The following RBFOX1 variants were observed in gnomAD, a reference collection of about 807,000 sequenced individuals.
RBFOX1 encodes the protein RNA binding protein fox-1 homolog 1.
RBFOX1 carries 8 observed loss-of-function variants against 57.7 expected under a neutral mutation model. The observed-to-expected ratio is 0.14, with a 90% CI of 0.08 to 0.25. The LOEUF is 0.25. Among genes scored for constraint, RBFOX1 ranks in the 10% least tolerant of loss-of-function variants. RBFOX1 has a pLI of 1.00. For synonymous variants in RBFOX1, 326 were observed against 222.4 expected (o/e 1.47, Z -4.15); for missense variants, 611 against 548.5 (o/e 1.11, Z -1.14).
intron 3 of RBFOX1, among the ~76,000 whole-genome samples, chr16:5,668,186 CAGG>C (rs2049907259): frequency 6.6e-6 from 1 of 152,090 alleles, no homozygotes. Flanking sequence ...GAGGCTGAGG[CAGG>C]AGAATTGTTT....
intron 3 of RBFOX1, among the ~76,000 whole-genome samples, chr16:6,981,327 C>T (rs926181871): frequency 6.6e-6 from 1 of 151,978 alleles, no homozygotes; most frequent in Non-Finnish European, 1.5e-5. Context: ...TCCATGTGTT[C>T]TCATTATTTA....
At chr16:6,221,310 C>A (rs575810638) in intron 1 of RBFOX1, among the ~76,000 whole-genome samples, 1 of 152,118 alleles carries the variant, frequency 6.6e-6, no homozygotes, top group East Asian at 1.9e-4. Context: ...TGTATCACTG[C>A]TGTTTAATTT....
chr16:5,997,662 C>T (rs976990558), intron 4 of RBFOX1, among the ~76,000 whole-genome samples: 1 of 152,170 alleles, frequency 6.6e-6, no homozygotes, highest in Non-Finnish European at 1.5e-5. Context: ...ATATTGATTT[C>T]AGCTTTAAAG....
chr16:5,625,952 C>T (rs997851828), intron 3 of RBFOX1, among the ~76,000 whole-genome samples: 3 of 152,184 alleles, frequency 2.0e-5, no homozygotes, highest in Non-Finnish European at 2.9e-5. Flanking sequence ...TCTCAGCTCA[C>T]TGCACCCTCC....
intron 3 of RBFOX1, among the ~76,000 whole-genome samples, chr16:6,946,031 G>C (rs539286726): frequency 6.6e-6 from 1 of 152,226 alleles, no homozygotes; most frequent in African/African-American, 2.4e-5. Flanking sequence ...TGCCTACACA[G>C]ATGCTTCACT....
At chr16:5,605,704 C>T (rs2047549568) in intron 3 of RBFOX1, among the ~76,000 whole-genome samples, 1 of 151,938 alleles carries the variant, frequency 6.6e-6, no homozygotes, top group South Asian at 2.1e-4. Flanking sequence ...TAATGTCTAC[C>T]TCAGGTCTAG....
intron 1 of RBFOX1, among the ~76,000 whole-genome samples, chr16:6,158,993 C>T: frequency 6.6e-6 from 1 of 152,128 alleles, no homozygotes; most frequent in East Asian, 1.9e-4. Context: ...ACCTCCACCT[C>T]CTGGGTTCAA....
intron 12 of RBFOX1, among the ~76,000 whole-genome samples, chr16:7,660,834 C>T (rs2067534170): frequency 6.6e-6 from 1 of 152,232 alleles, no homozygotes; most frequent in Admixed American, 6.5e-5. Context: ...GCTACACATT[C>T]AAGTTTGACC....
chr16:6,089,153 T>C (rs958231230), intron 1 of RBFOX1, among the ~76,000 whole-genome samples: 9 of 151,800 alleles, frequency 5.9e-5, no homozygotes, highest in Non-Finnish European at 1.3e-4. Flanking sequence ...CACCAAGTGA[T>C]CATTTATAAG....
At chr16:7,668,441 G>C (rs890740809) in intron 13 of RBFOX1, among the ~76,000 whole-genome samples, 2 of 152,132 alleles carry the variant, frequency 1.3e-5, no homozygotes, top group Non-Finnish European at 1.5e-5. Flanking sequence ...CAGACACGAA[G>C]GGAAAAAACC....
At chr16:6,899,659 C>G (rs557645092) in intron 3 of RBFOX1, among the ~76,000 whole-genome samples, 1 of 152,226 alleles carries the variant, frequency 6.6e-6, no homozygotes, top group African/African-American at 2.4e-5. Context: ...TCCATACCTC[C>G]TCAAGCAAGT....
chr16:6,581,422 A>T (rs1032892173), intron 2 of RBFOX1, among the ~76,000 whole-genome samples: 10 of 152,208 alleles, frequency 6.6e-5, no homozygotes, highest in African/African-American at 1.9e-4. Context: ...GGCAGCTGGT[A>T]CAGGCTTCCT....
intron 3 of RBFOX1, among the ~76,000 whole-genome samples, chr16:6,953,559 G>A (rs1305816042): frequency 1.3e-5 from 2 of 152,050 alleles, no homozygotes; most frequent in African/African-American, 2.4e-5. Flanking sequence ...CTAATGTGTT[G>A]TATCTTTAGT....
intron 4 of RBFOX1, among the ~76,000 whole-genome samples, chr16:7,426,161 A>C (rs1448882037): frequency 6.6e-6 from 1 of 152,242 alleles, no homozygotes; most frequent in Non-Finnish European, 1.5e-5. Context: ...GGCAGGGTCT[A>C]CACCTTCCAG....
At chr16:5,553,199 G>T (rs36058707) in intron 2 of RBFOX1, among the ~76,000 whole-genome samples, 57,988 of 151,646 alleles carry the variant, frequency 0.38, 11,397 homozygotes, top group Non-Finnish European at 0.42. Flanking sequence ...AGTTGATGGG[G>T]GCAGCAAACC....
chr16:5,923,114 C>T (rs1463292864), intron 4 of RBFOX1, among the ~76,000 whole-genome samples: 1 of 152,034 alleles, frequency 6.6e-6, no homozygotes, highest in African/African-American at 2.4e-5. Context: ...TTGCTGTGCA[C>T]CAAATGATGC....
intron 3 of RBFOX1, among the ~76,000 whole-genome samples, chr16:6,688,046 C>T (rs181822733): frequency 1.0e-3 from 156 of 152,308 alleles, no homozygotes; most frequent in Non-Finnish European, 1.6e-3. Context: ...TTAGTCCATT[C>T]TTGCACTGCC....
intron 11 of RBFOX1, among the ~76,000 whole-genome samples, chr16:7,638,163 C>A (rs1016754982): frequency 1.3e-5 from 2 of 152,156 alleles, no homozygotes; most frequent in Admixed American, 6.5e-5. Flanking sequence ...CTAGTTGCAG[C>A]CCTGAAATCA....
At chr16:5,602,967 T>C (rs1032426637), downstream of RBFOX1, among the ~76,000 whole-genome samples, 1 of 152,192 alleles carries the variant, frequency 6.6e-6, no homozygotes, top group African/African-American at 2.4e-5. Flanking sequence ...GTCGTTCCTC[T>C]AGAGGAGTGA....
Sources: allele counts gnomAD v4.1 joint callset (sites outside exome capture counted in the v4.1 genomes callset), GRCh38; gene constraint gnomAD v4.1.1; transcripts MANE v1.5; gene names NCBI Gene and HGNC (gene_info 2026-07-23, HGNC 2026-07-21).